ENOX1: variants seen among roughly 807,000 people sequenced by gnomAD.
ENOX1 encodes ecto-NOX disulfide-thiol exchanger 1.
Under a neutral mutation model 82.5 loss-of-function variants are expected in ENOX1, and 42 were observed. The observed-to-expected ratio is 0.51, with a 90% CI of 0.40 to 0.66. The LOEUF is 0.66. Among genes scored for constraint, ENOX1 ranks in the 30% least tolerant of loss-of-function variants. The pLI is 0.00. For synonymous variants in ENOX1, 271 were observed against 282.2 expected (o/e 0.96, Z 0.40); for missense variants, 608 against 811.6 (o/e 0.75, Z 3.05).
intron 2 of ENOX1, among the ~76,000 whole-genome samples, chr13:43,572,092 A>AAT (rs1299422081): frequency 2.0e-5 from 3 of 152,214 alleles, no homozygotes; most frequent in Non-Finnish European, 2.9e-5. Flanking sequence ...TATAAACAAA[A>AAT]ATATATATAT....
chr13:43,732,361 A>C (rs1199513647), intron 1 of ENOX1, among the ~76,000 whole-genome samples: 1 of 152,208 alleles, frequency 6.6e-6, no homozygotes, highest in Non-Finnish European at 1.5e-5. Flanking sequence ...TTCATTTCAC[A>C]CTGTTTGTTC....
intron 2 of ENOX1, among the ~76,000 whole-genome samples, chr13:43,600,278 C>A (rs2081647809): frequency 6.6e-6 from 1 of 152,096 alleles, no homozygotes; most frequent in Non-Finnish European, 1.5e-5. Flanking sequence ...ATTTCTGGAC[C>A]AGCACTGGCC....
chr13:43,661,147 G>A (rs1221219978), intron 2 of ENOX1, among the ~76,000 whole-genome samples: 1 of 152,118 alleles, frequency 6.6e-6, no homozygotes, highest in African/African-American at 2.4e-5. Flanking sequence ...TGTTTATTGT[G>A]CCCCTGCAAC....
intron 1 of ENOX1, among the ~76,000 whole-genome samples, chr13:43,691,792 C>A (rs985708114): frequency 4.6e-5 from 7 of 151,860 alleles, no homozygotes; most frequent in Non-Finnish European, 1.5e-5. Flanking sequence ...TCTCCGCCTC[C>A]CAGGTTCAAG....
Position 43,754,426 on chromosome 13 carries a change from G to A in ENOX1, c.-285+32226C>T, listed in dbSNP as rs554244931. On this transcript the variant is annotated intron_variant, in intron 1 of 16. Coordinates refer to ENST00000690772, the MANE Select transcript of ENOX1 (RefSeq NM_001347969.2). ...CGGCTCACTGCAACCCCCACCTCCT[G>A]GGTTCAAGCAATTCTCCTGTCACAG... 1.3e-4 allele frequency among the ~76,000 whole-genome samples: 19 copies of A among 149,938 alleles called. No individual in the cohort carries two copies. In the East Asian group the frequency reaches 3.1e-3, roughly 25 times the overall value.
At chr13:43,615,884 T>C (rs1213411964) in intron 2 of ENOX1, among the ~76,000 whole-genome samples, 2 of 151,658 alleles carry the variant, frequency 1.3e-5, no homozygotes, top group Non-Finnish European at 2.9e-5. Context: ...AGAATGATGG[T>C]TTCCAGCTAC....
At chr13:43,471,915 G>A (rs79982970) in intron 3 of ENOX1, among the ~76,000 whole-genome samples, 2,622 of 151,404 alleles carry the variant, frequency 0.017, 83 homozygotes, top group African/African-American at 0.061. Flanking sequence ...GGGTATATGA[G>A]TATTTACTGT....
intron 1 of ENOX1, among the ~76,000 whole-genome samples, chr13:43,762,721 T>C (rs910489423): frequency 1.3e-5 from 2 of 152,210 alleles, no homozygotes; most frequent in Non-Finnish European, 2.9e-5. Flanking sequence ...AGGCAAGATA[T>C]TTACTTCTTA....
intron 14 of ENOX1, among the ~76,000 whole-genome samples, chr13:43,257,854 T>C (rs536742486): frequency 6.6e-6 from 1 of 152,254 alleles, no homozygotes; most frequent in Non-Finnish European, 1.5e-5. Context: ...TGGTTTTATC[T>C]ATACAGGTAT....
intron 3 of ENOX1, among the ~76,000 whole-genome samples, chr13:43,438,555 G>A (rs1477594062): frequency 3.3e-5 from 5 of 152,176 alleles, no homozygotes; most frequent in Non-Finnish European, 5.9e-5. Flanking sequence ...TTTAGTTCAG[G>A]AGGAAAATGT....
chr13:43,466,066 C>T (rs549051215), intron 3 of ENOX1, among the ~76,000 whole-genome samples: 38 of 152,234 alleles, frequency 2.5e-4, no homozygotes, highest in African/African-American at 9.2e-4. Flanking sequence ...TATTTAGGTC[C>T]AGTTCCAGTT....
At chr13:43,313,205 T>G (rs1054030682) in intron 11 of ENOX1, among the ~76,000 whole-genome samples, 2 of 152,164 alleles carry the variant, frequency 1.3e-5, no homozygotes, top group African/African-American at 4.8e-5. Flanking sequence ...TCTCTGTGGG[T>G]AAGAACTCAA....
chr13:43,730,438 C>T (rs2089274690), intron 1 of ENOX1, among the ~76,000 whole-genome samples: 1 of 152,200 alleles, frequency 6.6e-6, no homozygotes, highest in South Asian at 2.1e-4. Flanking sequence ...TGAGAACCTA[C>T]ATCCGATCAC....
intron 1 of ENOX1, among the ~76,000 whole-genome samples, chr13:43,772,249 T>A (rs527615526): frequency 5.3e-5 from 8 of 152,158 alleles, no homozygotes; most frequent in Non-Finnish European, 1.0e-4. Flanking sequence ...TATTTTGTTC[T>A]GAGAAAGTCA....
intron 1 of ENOX1, among the ~76,000 whole-genome samples, chr13:43,678,136 A>C (rs931809575): frequency 2.0e-5 from 3 of 152,342 alleles, no homozygotes; most frequent in Admixed American, 1.3e-4. Context: ...AGAAAAAAAG[A>C]AAGCTTGCCT....
At chr13:43,510,975 T>C (rs2077346000) in intron 2 of ENOX1, among the ~76,000 whole-genome samples, 1 of 152,142 alleles carries the variant, frequency 6.6e-6, no homozygotes, top group Non-Finnish European at 1.5e-5. Context: ...ATGTCCATAC[T>C]GCGAACTTTT....
chr13:43,770,155 G>A (rs1456022507), intron 1 of ENOX1, among the ~76,000 whole-genome samples: 1 of 152,200 alleles, frequency 6.6e-6, no homozygotes, highest in Non-Finnish European at 1.5e-5. Flanking sequence ...TAGTCAGTGA[G>A]GCATTTCCGC....
intron 11 of ENOX1, among the ~76,000 whole-genome samples, chr13:43,306,096 G>C (rs1462128512): frequency 6.6e-6 from 1 of 152,204 alleles, no homozygotes; most frequent in Admixed American, 6.5e-5. Context: ...GGGAGAGAAG[G>C]CTTCTGGCTG....
At chr13:43,675,207 G>T (rs916971882) in intron 1 of ENOX1, among the ~76,000 whole-genome samples, 3 of 152,200 alleles carry the variant, frequency 2.0e-5, no homozygotes, top group Non-Finnish European at 4.4e-5. Flanking sequence ...GTCTACAGTA[G>T]TAGCAACAGA....
Sources: gnomAD v4.1 joint callset for allele counts (sites outside exome capture counted in the v4.1 genomes callset) on GRCh38, gnomAD v4.1.1 for gene constraint, MANE v1.5 for transcripts, NCBI Gene and HGNC (gene_info 2026-07-23, HGNC 2026-07-21) for gene names.